The following PDE6B variants were observed in gnomAD, a reference collection of about 807,000 sequenced individuals.
PDE6B encodes the protein phosphodiesterase 6B.
PDE6B carries 106 observed loss-of-function variants against 109.0 expected under a neutral mutation model. The ratio of observed to expected loss-of-function variants is 0.97; its 90% CI spans 0.83 to 1.14. The LOEUF (loss-of-function observed/expected upper bound fraction) is 1.14. Among genes scored for constraint, PDE6B ranks in the 50% most tolerant of loss-of-function variants. PDE6B has a pLI of 0.00. For missense variants in PDE6B, 1,193 were observed against 1,155.6 expected, an observed-to-expected ratio of 1.03 and a Z score of -0.47; for synonymous variants, 490 against 471.3, an observed-to-expected ratio of 1.04 and a Z score of -0.51.
chr4:640,317 C>G (rs182098970), intron 3 of PDE6B, among the ~76,000 whole-genome samples: 1 of 152,092 alleles, frequency 6.6e-6, no homozygotes, highest in Non-Finnish European at 1.5e-5. Context: ...AGGCCAATCA[C>G]CTGAGGTCAG....
chr4:666,674 G>T lies in PDE6B; in HGVS notation c.2352+60G>T. 8.5e-7 allele frequency: 1 copy of T among 1,171,808 alleles called. No individual in the cohort carries two copies. The allele number at this position is 1,171,808 out of a possible 1,614,324, so 72.6% of individuals were successfully genotyped here. On this transcript the variant is annotated intron_variant, in intron 20 of 21. Transcript: ENST00000496514. This position sits in a 1 kb window ranked among gnomAD's most constrained non-coding sequence, Gnocchi z 5.6. Reference sequence around the variant, plus strand: ...GCAGGGTGGCTGGGAGCAGGCAAGGGGGCGCGGGCTGGAGTCGCGTGGACT... The same window carrying T: ...GCAGGGTGGCTGGGAGCAGGCAAGGTGGCGCGGGCTGGAGTCGCGTGGACT...
intron 3 of PDE6B, among the ~76,000 whole-genome samples, chr4:644,282 A>G (rs1385468176): frequency 6.6e-6 from 1 of 151,816 alleles, no homozygotes; most frequent in Admixed American, 6.6e-5. Context: ...GTGTTGTTAA[A>G]TCCATTTTAA....
intron 3 of PDE6B, among the ~76,000 whole-genome samples, chr4:639,896 A>G (rs573519140): frequency 6.6e-6 from 1 of 152,034 alleles, no homozygotes; most frequent in Non-Finnish European, 1.5e-5. Flanking sequence ...GCTTGAACCC[A>G]GGAGCTGGGT....
chr4:630,156 GAC>G (rs1455352797), intron 1 of PDE6B, among the ~76,000 whole-genome samples: 1 of 152,200 alleles, frequency 6.6e-6, no homozygotes, highest in African/African-American at 2.4e-5. Context: ...TTCACCGACA[GAC>G]ACACGATGGT....
chr4:656,794 T>G, intron 8 of PDE6B, 80 bp from the exon 9 acceptor site: 3 of 1,333,880 alleles, frequency 2.2e-6, no homozygotes, highest in Non-Finnish European at 2.1e-6. Flanking sequence ...GGAGAAGACA[T>G]GAGGTCACTC....
chr4:658,354 G>C (rs1736623146), intron 10 of PDE6B, among the ~76,000 whole-genome samples: 2 of 144,906 alleles, frequency 1.4e-5, no homozygotes, highest in East Asian at 4.3e-4. Flanking sequence ...GGTGGGGGCA[G>C]GTCACCCAGG....
Position 653,866 on chromosome 4 carries a change from G to A in PDE6B, c.726G>A (p.Ser242=), listed in dbSNP as rs200975847. 197 of 1,613,672 alleles carry A rather than the reference G, an allele frequency of 1.2e-4. 1 individual carries two copies. The East Asian group carries it at 3.5e-3, about 28-fold the overall frequency. Residue 242 remains serine (S), a synonymous_variant, in exon 4 of 22, where the codon TCG becomes TCA. Coordinates refer to ENST00000496514, the MANE Select transcript of PDE6B (RefSeq NM_000283.4). The part of the protein sequence containing the change: ...ETRRGQVLLW[S]ANKVFEELTD... ...CCTCCCTCCAGGTGCTGCTGTGGTC[G>A]GCCAACAAGGTGTTTGAGGAGCTGA...
In PDE6B at chr4:625,581, C is replaced by A. The variant is rs765920328; in HGVS notation, c.-46C>A. The A allele has an allele frequency of 3.7e-6, 5 of 1,339,782 alleles. No homozygotes were observed. Among genetic ancestry groups the A allele is most frequent in the Non-Finnish European group, 5.4e-6 (5 of 929,736 alleles). 83.0% of individuals were successfully genotyped at this position (1,339,782 alleles called of 1,614,324 possible). ...GCTGATGACAGGGTTTCCTGGGAGTCCATGCGTGCCTGGAGCAGCAGCGTC... is the reference window on the plus strand; with the variant it reads ...GCTGATGACAGGGTTTCCTGGGAGTACATGCGTGCCTGGAGCAGCAGCGTC... On this transcript the variant is annotated 5_prime_UTR_variant, in exon 1 of 22. Transcript: ENST00000496514. This position sits in a 1 kb window ranked among gnomAD's most constrained non-coding sequence, Gnocchi z 5.0.
Position 625,870 on chromosome 4 carries a change from C to T in PDE6B, c.244C>T (p.Arg82Cys), listed in dbSNP as rs754051319. 1.7e-5 allele frequency: 27 copies of T among 1,609,208 alleles called. No homozygotes were observed. Among genetic ancestry groups the T allele is most frequent in the East Asian group, 4.5e-5 (2 of 44,732 alleles). Residue 82 changes from arginine to cysteine, a missense_variant, in exon 1 of 22, where the codon CGC becomes TGC. Physicochemically the swap from Arg to Cys is radical, Grantham distance 180. Coordinates refer to ENST00000496514, the MANE Select transcript of PDE6B (RefSeq NM_000283.4). This position sits in a 1 kb window ranked among gnomAD's most constrained non-coding sequence, Gnocchi z 5.0. ...MERVVFKVLR[R>C]LCTLLQADRC... ...GCGCGTGGTCTTCAAGGTCCTGCGG[C>T]GCCTCTGCACCCTCCTGCAGGCCGA...
chr4:648,461 C>G lies in PDE6B; in HGVS notation c.712-5391C>G, dbSNP rs537910733. 1.9e-4 allele frequency among the ~76,000 whole-genome samples: 28 copies of G among 150,544 alleles called. No individual in the cohort carries two copies. Among genetic ancestry groups the G allele is most frequent in the Admixed American group, 1.8e-3 (28 of 15,230 alleles). ...CGCCCAACGCCTGCACTTCGTCTGC[C>G]TCCTCCTTGAGCTGTGGAAGGAAAG... On this transcript the variant is annotated intron_variant, in intron 3 of 21. Transcript: ENST00000496514. This position sits in a 1 kb window ranked among gnomAD's most constrained non-coding sequence, Gnocchi z 4.5.
chr4:662,174 G>T lies in PDE6B; in HGVS notation c.1655G>T (p.Arg552Leu). The change falls in exon 13 of 22, where the codon CGG becomes CTG. Residue 552 changes from arginine to leucine, a missense_variant. Physicochemically the swap from Arg to Leu is moderately radical, Grantham distance 102. Transcript: ENST00000496514. The surrounding 1 kb of genome is among the most constrained non-coding windows in gnomAD (Gnocchi z 4.3). ...CTGTTCTCCATCAGCAAAGGGTACCGGAGAATCACCTACCACAACTGGCGC... is the reference window on the plus strand; with the variant it reads ...CTGTTCTCCATCAGCAAAGGGTACCTGAGAATCACCTACCACAACTGGCGC... Reference protein sequence around the residue: ...RFLFSISKGYRRITYHNWRHG... With the variant: ...RFLFSISKGYLRITYHNWRHG... 6.3e-7 allele frequency: 1 copy of T among 1,579,828 alleles called. No individual in the cohort carries two copies. The highest frequency in any genetic ancestry group is 2.3e-5 in the East Asian group (1 of 43,106).
Position 662,086 on chromosome 4 carries a change from G to A in PDE6B, c.1615-48G>A. 1.1e-6 allele frequency: 1 copy of A among 891,256 alleles called. No individual in the cohort carries two copies. The highest frequency in any genetic ancestry group is 1.8e-6 in the Non-Finnish European group (1 of 544,224). 55.2% of individuals were successfully genotyped at this position (891,256 alleles called of 1,614,324 possible). A position where few individuals can be genotyped will look rare whatever the true frequency, so the allele number is the denominator to read the frequency against. Reference sequence around the variant, plus strand: ...TCAGCCACAGGTGCCGCTCTGGCGGGACTTACACGCTTGCCGCCGGAGCCC... The same window carrying A: ...TCAGCCACAGGTGCCGCTCTGGCGGAACTTACACGCTTGCCGCCGGAGCCC... On this transcript the variant is annotated intron_variant, in intron 12 of 21. Transcript: ENST00000496514. This position sits in a 1 kb window ranked among gnomAD's most constrained non-coding sequence, Gnocchi z 4.3.
At position 666,504 on chromosome 4, in the gene PDE6B, T is replaced by C; in HGVS notation, c.2269-27T>C. 1 of 1,557,078 alleles carries C rather than the reference T, an allele frequency of 6.4e-7. No individual in the cohort carries two copies. Among genetic ancestry groups the C allele is most frequent in the Non-Finnish European group, 8.9e-7 (1 of 1,128,786 alleles). On this transcript the variant is annotated intron_variant, in intron 19 of 21. Transcript: ENST00000496514. This position sits in a 1 kb window ranked among gnomAD's most constrained non-coding sequence, Gnocchi z 5.6. Reference sequence around the variant, plus strand: ...CAGGAGCTGCCTCCCTGGTCACTGTTCTCCCGCCCTCTGTTCCTCCCACCA... The same window carrying C: ...CAGGAGCTGCCTCCCTGGTCACTGTCCTCCCGCCCTCTGTTCCTCCCACCA...
At position 663,112 on chromosome 4, in the gene PDE6B, C is replaced by A; in HGVS notation, c.1845C>A (p.Pro615=). The A allele has an allele frequency of 6.2e-7, 1 of 1,609,554 alleles. No homozygotes were observed. The highest frequency in any genetic ancestry group is 1.1e-5 in the South Asian group (1 of 91,002). The change falls in exon 15 of 22, where the codon CCC becomes CCA. Residue 615 remains proline, a synonymous_variant. Transcript: ENST00000496514. This position sits in a 1 kb window ranked among gnomAD's most constrained non-coding sequence, Gnocchi z 4.0. ...NNLYQMKSQN[P]LAKLHGSSIL... is the part of the protein sequence containing the mutation. ...ACCTGTGTAACAGGTCCCAGAACCC[C>A]TTGGCTAAGCTCCACGGCTCCTCGA...
At chr4:659,221 C>T (rs1310703899) in intron 11 of PDE6B, among the ~76,000 whole-genome samples, 1 of 152,084 alleles carries the variant, frequency 6.6e-6, no homozygotes, top group Non-Finnish European at 1.5e-5. Flanking sequence ...GCCAGTGTGT[C>T]CCTGAGTGTG....
At position 660,548 on chromosome 4, in the gene PDE6B, G is replaced by A. The variant is rs868797069; in HGVS notation, c.1549G>A (p.Val517Ile). Reference protein sequence around the residue: ...SDLECTELDLVKCGIQMYYEL... With the variant: ...SDLECTELDLIKCGIQMYYEL... ...CCTGGAGTGCACCGAACTGGACCTG[G>A]TCAAATGTGGCATCCAGATGTACTA... Residue 517 changes from valine (V) to isoleucine (I), a missense_variant, in exon 12 of 22, where the codon GTC becomes ATC. By Grantham distance (29) the Val-to-Ile change is conservative. Coordinates refer to ENST00000496514, the MANE Select transcript of PDE6B (RefSeq NM_000283.4). 6.2e-7 allele frequency: 1 copy of A among 1,613,712 alleles called. No homozygotes were observed.
In PDE6B at chr4:665,177, C is replaced by T. The variant is rs1419042316; in HGVS notation, c.2194-78C>T. The T allele has an allele frequency of 1.6e-5, 18 of 1,096,864 alleles. No individual in the cohort carries two copies. In the East Asian group the frequency reaches 3.3e-4, roughly 20 times the overall value. The allele number at this position is 1,096,864 out of a possible 1,614,324, so 67.9% of individuals were successfully genotyped here. On this transcript the variant is annotated intron_variant, in intron 18 of 21. Transcript: ENST00000496514. This position sits in a 1 kb window ranked among gnomAD's most constrained non-coding sequence, Gnocchi z 4.0. ...GTCTGGGGCGGAGAAGACCGAGGCT[C>T]GGAGCCTCACGGGGCGGGCCCGGGC...
chr4:670,338 G>A lies in PDE6B; in HGVS notation c.*231G>A, dbSNP rs1425092253. On this transcript the variant is annotated 3_prime_UTR_variant, in exon 22 of 22. Transcript: ENST00000496514. ...GCTCACTGCAACCTCCACCTCCCAGGTTCAAGCGATTCTCGTGCCTCAGCC... is the reference window on the plus strand; with the variant it reads ...GCTCACTGCAACCTCCACCTCCCAGATTCAAGCGATTCTCGTGCCTCAGCC... The A allele has an allele frequency of 2.0e-6, 1 of 492,186 alleles. No homozygotes were observed. Among genetic ancestry groups the A allele is most frequent in the Non-Finnish European group, 3.5e-6 (1 of 284,182 alleles). 30.5% of individuals were successfully genotyped at this position (492,186 alleles called of 1,614,324 possible). A position where few individuals can be genotyped will look rare whatever the true frequency, so the allele number is the denominator to read the frequency against.
intron 3 of PDE6B, among the ~76,000 whole-genome samples, chr4:644,006 C>T (rs1193111930): frequency 1.3e-5 from 2 of 148,608 alleles, no homozygotes; most frequent in Non-Finnish European, 3.0e-5. Flanking sequence ...GCAACCTCCA[C>T]CTCCCGGGTT....
Sources: allele counts gnomAD v4.1 joint callset (sites outside exome capture counted in the v4.1 genomes callset), GRCh38; gene constraint gnomAD v4.1.1; non-coding constraint Gnocchi (gnomAD v3.1); transcripts MANE v1.5; gene names NCBI Gene and HGNC (gene_info 2026-07-23, HGNC 2026-07-21).